The following SLC25A17 variants were observed in gnomAD, a reference collection of about 807,000 sequenced individuals.
The protein encoded by SLC25A17 is solute carrier family 25 member 17.
SLC25A17 carries 26 observed loss-of-function variants against 38.5 expected under a neutral mutation model. That is an observed-to-expected ratio of 0.68 (90% CI 0.50 to 0.94). The LOEUF (loss-of-function observed/expected upper bound fraction) is 0.94. Ranked by LOEUF, SLC25A17 falls within the 40% of genes least tolerant of loss-of-function variation. The pLI is 0.00. For missense variants in SLC25A17, 333 were observed against 372.7 expected (o/e 0.89, Z 0.88); for synonymous variants, 139 against 136.2 (o/e 1.02, Z -0.14).
intron 1 of SLC25A17, among the ~76,000 whole-genome samples, chr22:40,816,419 C>T (rs2057640090): frequency 6.6e-6 from 1 of 152,038 alleles, no homozygotes; most frequent in Non-Finnish European, 1.5e-5. Flanking sequence ...TCTGTCCATT[C>T]ATTTACTGTC....
intron 2 of SLC25A17, among the ~76,000 whole-genome samples, chr22:40,797,024 C>T (rs2057437242): frequency 6.6e-6 from 1 of 152,134 alleles, no homozygotes; most frequent in Non-Finnish European, 1.5e-5. Context: ...AAAATTAAGA[C>T]TATATATTCT....
At chr22:40,803,501 C>T (rs574349511) in intron 1 of SLC25A17, among the ~76,000 whole-genome samples, 143 of 152,304 alleles carry the variant, frequency 9.4e-4, no homozygotes, top group African/African-American at 3.3e-3. Context: ...TTCTGTTTTA[C>T]AGCTGAATAA....
intron 7 of SLC25A17, 128 bp from the exon 8 acceptor site, chr22:40,774,147 C>A (rs1478239981): frequency 1.8e-6 from 1 of 567,400 alleles, no homozygotes; most frequent in Non-Finnish European, 3.1e-6. Context: ...CCAATTAGTA[C>A]CATAGATTTC....
intron 2 of SLC25A17, among the ~76,000 whole-genome samples, chr22:40,797,603 T>C (rs996084758): frequency 6.6e-6 from 1 of 152,164 alleles, no homozygotes; most frequent in Non-Finnish European, 1.5e-5. Context: ...GATTAGAAAA[T>C]GGCTAAGGCT....
intron 1 of SLC25A17, among the ~76,000 whole-genome samples, chr22:40,804,211 G>C (rs2145694824): frequency 6.6e-6 from 1 of 152,118 alleles, no homozygotes; most frequent in South Asian, 2.1e-4. Context: ...TCTGGCTAAG[G>C]GAAGATTTCA....
intron 2 of SLC25A17, among the ~76,000 whole-genome samples, chr22:40,795,928 C>T (rs2057425348): frequency 6.6e-6 from 1 of 152,124 alleles, no homozygotes; most frequent in Admixed American, 6.5e-5. Flanking sequence ...GCTGGGATTA[C>T]AGGCTCCTGC....
At chr22:40,807,340 A>G (rs953384006) in intron 1 of SLC25A17, among the ~76,000 whole-genome samples, 2 of 152,216 alleles carry the variant, frequency 1.3e-5, no homozygotes, top group African/African-American at 4.8e-5. Context: ...AAGGTACAGC[A>G]ATTTTCCTAA....
At chr22:40,773,424 A>G (rs1447435310) in intron 8 of SLC25A17, among the ~76,000 whole-genome samples, 1 of 151,746 alleles carries the variant, frequency 6.6e-6, no homozygotes, top group African/African-American at 2.4e-5. Context: ...AAAAAAAAAA[A>G]AAAAAAAAAG....
At chr22:40,774,224 T>C (rs2057217721) in intron 7 of SLC25A17, among the ~76,000 whole-genome samples, 1 of 151,098 alleles carries the variant, frequency 6.6e-6, no homozygotes, top group African/African-American at 2.5e-5. Context: ...GAAAAATTTT[T>C]CCTTTTTTTT....
chr22:40,813,822 T>G (rs536637515), intron 1 of SLC25A17: 1 of 152,428 alleles, frequency 6.6e-6, no homozygotes, highest in Non-Finnish European at 1.5e-5. Flanking sequence ...TTTATAGCTA[T>G]AGTATCTGTT....
At position 40,801,126 on chromosome 22, in the gene SLC25A17, TACA is replaced by T. The variant is rs1569410118; in HGVS notation, c.55-2046_55-2044del. On this transcript the variant is annotated intron_variant, in intron 1 of 8. Coordinates refer to ENST00000435456, the MANE Select transcript of SLC25A17 (RefSeq NM_006358.4). ...AAAAAGAAAAAAGAAAAAAATATAT[TACA>T]TATATATATATATATATATATATAT... Among the ~76,000 whole-genome samples, 241 of 42,744 alleles carry T rather than the reference TACA, an allele frequency of 5.6e-3. 2 individuals are homozygous for T. The highest frequency in any genetic ancestry group is 0.02 in the African/African-American group (213 of 10,498). 28.0% of individuals were successfully genotyped at this position (42,744 alleles called of 152,430 possible).
At chr22:40,774,483 C>T (rs12158747) in intron 7 of SLC25A17, among the ~76,000 whole-genome samples, 1 of 152,138 alleles carries the variant, frequency 6.6e-6, no homozygotes, top group Admixed American at 6.5e-5. Flanking sequence ...CTCGGCCTCC[C>T]GAAGTTCTGG....
At chr22:40,790,698 C>T (rs372212244) in intron 4 of SLC25A17, among the ~76,000 whole-genome samples, 1 of 152,084 alleles carries the variant, frequency 6.6e-6, no homozygotes. Flanking sequence ...GCAAATAAAC[C>T]GCTTTGGACA....
chr22:40,810,191 T>G (rs193068114), intron 1 of SLC25A17, among the ~76,000 whole-genome samples: 1 of 152,212 alleles, frequency 6.6e-6, no homozygotes, highest in East Asian at 1.9e-4. Context: ...ATCTCCAGAG[T>G]GCTAACAGTG....
At chr22:40,816,905 C>A (rs1057175776) in intron 1 of SLC25A17, among the ~76,000 whole-genome samples, 1 of 152,018 alleles carries the variant, frequency 6.6e-6, no homozygotes, top group Admixed American at 6.6e-5. Flanking sequence ...GCCACCGCAC[C>A]CAGCCTATTC....
At chr22:40,786,995 A>G (rs1685278179) in intron 4 of SLC25A17, among the ~76,000 whole-genome samples, 1 of 152,242 alleles carries the variant, frequency 6.6e-6, no homozygotes, top group South Asian at 2.1e-4. Context: ...CTCTGCCTTT[A>G]AGGAGCTTAC....
At chr22:40,779,494 C>T (rs535096513) in intron 4 of SLC25A17, 26 of 472,506 alleles carry the variant, frequency 5.5e-5, no homozygotes, top group African/African-American at 5.0e-4. Context: ...TTACAGCTAA[C>T]ATGCTAAGTC....
At chr22:40,803,864 G>A (rs930771582) in intron 1 of SLC25A17, among the ~76,000 whole-genome samples, 4 of 148,246 alleles carry the variant, frequency 2.7e-5, no homozygotes, top group South Asian at 2.1e-4. Flanking sequence ...GTGGCTCACC[G>A]TATGCTACAC....
At position 40,789,093 on chromosome 22, in the gene SLC25A17, G is replaced by T; in HGVS notation, c.334+3432C>A. On this transcript the variant is annotated intron_variant, in intron 4 of 8. Transcript: ENST00000435456. The surrounding 1 kb of genome is among the most constrained non-coding windows in gnomAD (Gnocchi z 4.5). ...TCTGACCATCTCTACTTCCAGCACT[G>T]GCCCAACCATAATAAATGCCACTGG... 1 of 279,378 alleles carries T rather than the reference G, an allele frequency of 3.6e-6. No homozygotes were observed. The highest frequency in any genetic ancestry group is 7.4e-6 in the Non-Finnish European group (1 of 135,944). 17.3% of individuals were successfully genotyped at this position (279,378 alleles called of 1,614,324 possible).
Sources: allele counts gnomAD v4.1 joint callset (sites outside exome capture counted in the v4.1 genomes callset), GRCh38; gene constraint gnomAD v4.1.1; non-coding constraint Gnocchi (gnomAD v3.1); transcripts MANE v1.5; gene names NCBI Gene and HGNC (gene_info 2026-07-23, HGNC 2026-07-21).